The following SPAG5 variants were observed in gnomAD, a reference collection of about 807,000 sequenced individuals.
The protein encoded by SPAG5 is sperm associated antigen 5, also known as sperm-associated antigen 5.
In SPAG5, 99 loss-of-function variants were observed where a neutral mutation model predicts 145.4. The observed-to-expected ratio is 0.68, with a 90% CI of 0.58 to 0.80. SPAG5 has a LOEUF of 0.80. SPAG5 is among the 30% of genes least tolerant of loss of function. SPAG5 has a pLI of 0.00. For missense variants in SPAG5, 1,192 were observed against 1,416.0 expected (o/e 0.84, Z 2.54); for synonymous variants, 477 against 525.4 (o/e 0.91, Z 1.26).
chr17:28,592,949 C>T lies in SPAG5; in HGVS notation c.295G>A (p.Glu99Lys), dbSNP rs762569766. The T allele has an allele frequency of 1.3e-4, 203 of 1,614,044 alleles. No homozygotes were observed. Among genetic ancestry groups the T allele is most frequent in the Non-Finnish European group, 1.7e-4 (200 of 1,180,044 alleles). ...WLETCQHESD[E>K]QPLDPIPQIS... is the part of the protein sequence containing the mutation. Reference sequence around the variant, plus strand: ...TGGGGAATTGGATCTAGAGGCTGCTCATCTGATTCATGCTGACAAGTTTCT... The same window carrying T: ...TGGGGAATTGGATCTAGAGGCTGCTTATCTGATTCATGCTGACAAGTTTCT... The change falls in exon 3 of 24, where the codon GAG becomes AAG. Residue 99 changes from glutamate (E) to lysine (K), a missense_variant. This residue lies in a region of SPAG5 where 329 missense variants were observed against 354.0 expected (regional missense o/e 0.93). Coordinates refer to ENST00000321765, the MANE Select transcript of SPAG5 (RefSeq NM_006461.4).
intron 23 of SPAG5, 108 bp downstream of exon 23, chr17:28,577,902 G>T: frequency 8.2e-7 from 1 of 1,217,726 alleles, no homozygotes; most frequent in Non-Finnish European, 1.2e-6. Flanking sequence ...AGTGATTCAG[G>T]CCCAGCTCTC....
chr17:28,581,472 C>T (rs1443305987), intron 15 of SPAG5, among the ~76,000 whole-genome samples: 1 of 151,150 alleles, frequency 6.6e-6, no homozygotes, highest in Non-Finnish European at 1.5e-5. Context: ...TTGCTCCTTT[C>T]CGCGTACTTG....
At position 28,584,146 on chromosome 17, in the gene SPAG5, TTACC is replaced by T; in HGVS notation, c.2412_2412+3del. ...GCTCCCTTGGCCCAAGCCATATTCCTTACCTCCAAGGTCTCTTTCAGGTCCCGCA... is the reference window on the plus strand; with the variant it reads ...GCTCCCTTGGCCCAAGCCATATTCCTTCCAAGGTCTCTTTCAGGTCCCGCA... On this transcript the variant is annotated splice_donor_variant and splice_donor_region_variant and coding_sequence_variant and intron_variant, in exon 13 of 24. Coordinates refer to ENST00000321765, the MANE Select transcript of SPAG5 (RefSeq NM_006461.4). LOFTEE classifies it high-confidence loss of function. 1 of 1,613,950 alleles carries T rather than the reference TTACC, an allele frequency of 6.2e-7. No homozygotes were observed. The highest frequency in any genetic ancestry group is 8.5e-7 in the Non-Finnish European group (1 of 1,179,946).
chr17:28,593,850 C>T (rs10451292), intron 2 of SPAG5, among the ~76,000 whole-genome samples: 3,254 of 151,864 alleles, frequency 0.021, 103 homozygotes, highest in African/African-American at 0.074. Context: ...AACATAAATA[C>T]ACACACAAAG....
chr17:28,592,390 TG>T lies in SPAG5; in HGVS notation c.853del (p.His285IlefsTer24). The T allele has an allele frequency of 6.2e-7, 1 of 1,614,148 alleles. No individual in the cohort carries two copies. Among genetic ancestry groups the T allele is most frequent in the Non-Finnish European group, 8.5e-7 (1 of 1,180,038 alleles). On this transcript the variant is annotated frameshift_variant, in exon 3 of 24. Transcript: ENST00000321765. LOFTEE classifies it high-confidence loss of function. ...MEEREMRFPT[H>X]PKESETEDQA... ...ATCTTCTGTTTCAGACTCCTTAGGA[TG>T]TGTGGGAAACCTCATTTCTCTTTCC...
In SPAG5 at chr17:28,584,252, T is replaced by G. The variant is rs1237175636; in HGVS notation, c.2310A>C (p.Gln770His). 1 of 1,613,866 alleles carries G rather than the reference T, an allele frequency of 6.2e-7. No individual in the cohort carries two copies. Among genetic ancestry groups the G allele is most frequent in the Admixed American group, 1.7e-5 (1 of 60,010 alleles). The stretch of plus-strand genomic sequence containing the variant: ...TTAGTGCCATCTCTTCCTTTTGCCA[T>G]CTGCCAGAGACAACATATTAGATCC... ...LTQSNEEQAA[Q>H]WQKEEMALKH... Residue 770 changes from glutamine (Q) to histidine (H), a missense_variant and splice_region_variant, in exon 13 of 24, where the codon CAA becomes CAC. Coordinates refer to ENST00000321765, the MANE Select transcript of SPAG5 (RefSeq NM_006461.4).
rs1382412101 is a variant in SPAG5 at position 28,584,270 on chromosome 17, T to C, written c.2310-18A>G. On this transcript the variant is annotated intron_variant, in intron 12 of 23. Transcript: ENST00000321765. Reference sequence around the variant, plus strand: ...TTTGCCATCTGCCAGAGACAACATATTAGATCCCATTTGGTCCTAAATCCT... The same window carrying C: ...TTTGCCATCTGCCAGAGACAACATACTAGATCCCATTTGGTCCTAAATCCT... The C allele has an allele frequency of 6.2e-7, 1 of 1,613,926 alleles. No homozygotes were observed. Among genetic ancestry groups the C allele is most frequent in the Non-Finnish European group, 8.5e-7 (1 of 1,180,016 alleles).
Position 28,585,595 on chromosome 17 carries a change from T to G in SPAG5, c.1799A>C (p.Glu600Ala), listed in dbSNP as rs775287184. Residue 600 changes from glutamate (E) to alanine (A), a missense_variant, in exon 8 of 24, where the codon GAA (glutamate) becomes GCA (alanine). By Grantham distance (107) the Glu-to-Ala change is moderately radical. This residue lies in a region of SPAG5 where 709 missense variants were observed against 840.7 expected (regional missense o/e 0.84). Transcript: ENST00000321765. The part of the protein sequence containing the change: ...AHASQRISQL[E>A]QDLASMREFR... ...TTCCCGCATGGATGCTAGGTCCTGT[T>G]CCAGCTGGCTGATGCGCTGGCTGGC... The G allele has an allele frequency of 1.2e-6, 2 of 1,614,152 alleles. No homozygotes were observed. Among genetic ancestry groups the G allele is most frequent in the Admixed American group, 3.3e-5 (2 of 60,026 alleles).
At chr17:28,590,263 T>C (rs2070611409) in intron 4 of SPAG5, among the ~76,000 whole-genome samples, 1 of 152,164 alleles carries the variant, frequency 6.6e-6, no homozygotes, top group Non-Finnish European at 1.5e-5. Context: ...AGGGTCTGGC[T>C]CTGTTGCCCA....
chr17:28,592,204 T>C lies in SPAG5; in HGVS notation c.1040A>G (p.Glu347Gly), dbSNP rs773960927. ...ESWMSPLAWLEKGVNTSVMLE... is the reference protein window; with the variant it reads ...ESWMSPLAWLGKGVNTSVMLE... The stretch of plus-strand genomic sequence containing the variant: ...CATGACGGAGGTATTTACACCTTTT[T>C]CCAGCCAGGCCAGTGGGGACATCCA... The change falls in exon 3 of 24, where the codon GAA becomes GGA. Residue 347 changes from glutamate (E) to glycine (G), a missense_variant. Physicochemically the swap from Glu to Gly is moderately conservative, Grantham distance 98. Transcript: ENST00000321765. 6.2e-7 allele frequency: 1 copy of C among 1,614,182 alleles called. No homozygotes were observed. Among genetic ancestry groups the C allele is most frequent in the Non-Finnish European group, 8.5e-7 (1 of 1,180,036 alleles).
chr17:28,582,644 A>C (rs1014342028), intron 15 of SPAG5: 3 of 152,202 alleles, frequency 2.0e-5, no homozygotes, highest in African/African-American at 7.2e-5. Context: ...CTCGGTACCC[A>C]GTTGGGGAAG....
chr17:28,592,873 T>C lies in SPAG5; in HGVS notation c.371A>G (p.Asn124Ser), dbSNP rs1202118355. 6.2e-7 allele frequency: 1 copy of C among 1,614,224 alleles called. No homozygotes were observed. The highest frequency in any genetic ancestry group is 1.7e-5 in the Admixed American group (1 of 60,024). The change falls in exon 3 of 24, where the codon AAT becomes AGT. Residue 124 changes from asparagine (N) to serine (S), a missense_variant. This residue lies in a region of SPAG5 where 329 missense variants were observed against 354.0 expected (regional missense o/e 0.93). Transcript: ENST00000321765. ...AAGGACGATGGTTTTAACCATATAA[T>C]TGCCCAGTGGGTCTACTGCTTCCTC... is the stretch of plus-strand genomic sequence containing the variant. ...TSEEAVDPLG[N>S]YMVKTIVLVP...
chr17:28,593,923 T>C (rs2070642014), intron 2 of SPAG5, among the ~76,000 whole-genome samples: 1 of 151,094 alleles, frequency 6.6e-6, no homozygotes, highest in Admixed American at 6.6e-5. Context: ...ATTGAAAGAG[T>C]AAATTATTAG....
At chr17:28,582,452 G>A (rs2070555266) in intron 15 of SPAG5, among the ~76,000 whole-genome samples, 1 of 152,140 alleles carries the variant, frequency 6.6e-6, no homozygotes, top group Non-Finnish European at 1.5e-5. Context: ...TAAACCTCAA[G>A]ACTGTACCCA....
Position 28,586,005 on chromosome 17 carries a change from G to A in SPAG5, c.1606-7C>T. The A allele has an allele frequency of 6.2e-7, 1 of 1,614,160 alleles. No individual in the cohort carries two copies. On this transcript the variant is annotated splice_region_variant and splice_polypyrimidine_tract_variant and intron_variant, in intron 6 of 23. Coordinates refer to ENST00000321765, the MANE Select transcript of SPAG5 (RefSeq NM_006461.4). ...ATGTTTCTGCACGCCGAGACTATAT[G>A]GTAAGAATCAGTTAATGTGTCTGGT... is the stretch of plus-strand genomic sequence containing the variant.
At chr17:28,579,970 G>A (rs1414337823) in intron 16 of SPAG5, 39 bp downstream of exon 16, 8 of 1,558,934 alleles carry the variant, frequency 5.1e-6, no homozygotes, top group South Asian at 2.2e-5. Context: ...CAGGAGCAGC[G>A]TCACAACTTT....
chr17:28,595,707 C>G (rs1320706190), intron 2 of SPAG5, among the ~76,000 whole-genome samples: 1 of 151,418 alleles, frequency 6.6e-6, no homozygotes, highest in African/African-American at 2.4e-5. Flanking sequence ...CGAGATCACA[C>G]CACTGCACTC....
Position 28,598,581 on chromosome 17 carries a change from G to A in SPAG5, c.106C>T (p.Leu36Phe). 6.2e-7 allele frequency: 1 copy of A among 1,613,592 alleles called. No individual in the cohort carries two copies. Among genetic ancestry groups the A allele is most frequent in the Non-Finnish European group, 8.5e-7 (1 of 1,179,774 alleles). ...GGGGATCTTTTTCCAGAGTTGGTGAGGGCACCGGGCTGCAGGGTAAGTTCA... is the reference window on the plus strand; with the variant it reads ...GGGGATCTTTTTCCAGAGTTGGTGAAGGCACCGGGCTGCAGGGTAAGTTCA... The part of the protein sequence containing the change: ...LRELTLQPGA[L>F]TNSGKRSPAC... Residue 36 changes from leucine to phenylalanine, a missense_variant, in exon 2 of 24, where the codon CTC becomes TTC. Physicochemically the swap from Leu to Phe is conservative, Grantham distance 22. Coordinates refer to ENST00000321765, the MANE Select transcript of SPAG5 (RefSeq NM_006461.4).
intron 2 of SPAG5, among the ~76,000 whole-genome samples, chr17:28,594,999 C>T (rs1025609019): frequency 6.6e-6 from 1 of 151,976 alleles, no homozygotes; most frequent in Non-Finnish European, 1.5e-5. Context: ...GTGGCTTACA[C>T]CTGTAATCCC....
Sources: gnomAD v4.1 joint callset for allele counts (sites outside exome capture counted in the v4.1 genomes callset) on GRCh38, gnomAD v4.1.1 for gene constraint, gnomAD v4.1.1 regional missense constraint, MANE v1.5 for transcripts, NCBI Gene and HGNC (gene_info 2026-07-23, HGNC 2026-07-21) for gene names.